Variants in ST6GALNAC3 observed in about 807,000 individuals in gnomAD.
The protein encoded by ST6GALNAC3 is ST6 N-acetylgalactosaminide alpha-2,6-sialyltransferase 3.
In ST6GALNAC3, 25 loss-of-function variants were observed where a neutral mutation model predicts 32.7. The observed-to-expected ratio is 0.76, with a 90% confidence interval of 0.56 to 1.07. The LOEUF (loss-of-function observed/expected upper bound fraction) is 1.07, where lower values mean the gene tolerates loss of function less well. Ranked by LOEUF, ST6GALNAC3 falls within the 50% of genes least tolerant of loss-of-function variation. The pLI is 0.00. For missense variants in ST6GALNAC3, 355 were observed against 382.4 expected (o/e 0.93, Z 0.60); for synonymous variants, 129 against 133.1 (o/e 0.97, Z 0.21).
intron 2 of ST6GALNAC3, among the ~76,000 whole-genome samples, chr1:76,410,161 C>T (rs188554771): frequency 1.1e-4 from 16 of 152,238 alleles, no homozygotes; most frequent in Admixed American, 7.2e-4. Context: ...CTTCATCTCA[C>T]GCAAACTGAA....
At chr1:76,478,768 T>G (rs928495698) in intron 3 of ST6GALNAC3, among the ~76,000 whole-genome samples, 2 of 143,148 alleles carry the variant, frequency 1.4e-5, no homozygotes, top group Non-Finnish European at 3.1e-5. Flanking sequence ...TTCTTTTTTT[T>G]TTTTTTTTTT....
At chr1:76,539,894 T>A (rs766098648) in intron 3 of ST6GALNAC3, among the ~76,000 whole-genome samples, 5 of 152,146 alleles carry the variant, frequency 3.3e-5, no homozygotes, top group Non-Finnish European at 7.4e-5. Flanking sequence ...AAGAATGCTT[T>A]TACACTGTTG....
At chr1:76,186,098 A>G (rs1653537983) in intron 1 of ST6GALNAC3, among the ~76,000 whole-genome samples, 1 of 152,120 alleles carries the variant, frequency 6.6e-6, no homozygotes, top group Non-Finnish European at 1.5e-5. Flanking sequence ...TCTTATACCC[A>G]GTTCTCCTTC....
At chr1:76,255,883 T>C (rs899345632) in intron 1 of ST6GALNAC3, among the ~76,000 whole-genome samples, 1 of 152,024 alleles carries the variant, frequency 6.6e-6, no homozygotes, top group African/African-American at 2.4e-5. Flanking sequence ...AAAGTAGGGG[T>C]ATAAGAAAAT....
chr1:76,392,760 C>A (rs1408866), intron 2 of ST6GALNAC3, among the ~76,000 whole-genome samples: 6 of 151,896 alleles, frequency 4.0e-5, no homozygotes, highest in Non-Finnish European at 8.8e-5. Context: ...CAGTAAAAAA[C>A]CAGAGCAAGG....
chr1:76,157,999 T>C (rs1651568106), intron 1 of ST6GALNAC3, among the ~76,000 whole-genome samples: 1 of 152,242 alleles, frequency 6.6e-6, no homozygotes, highest in Non-Finnish European at 1.5e-5. Flanking sequence ...CCCAAGTCTC[T>C]GATGTTAAAA....
At chr1:76,366,394 T>A (rs1457700444) in intron 2 of ST6GALNAC3, among the ~76,000 whole-genome samples, 1 of 152,170 alleles carries the variant, frequency 6.6e-6, no homozygotes, top group Admixed American at 6.5e-5. Context: ...AGATTCTAAG[T>A]GCAAAAAATG....
intron 1 of ST6GALNAC3, among the ~76,000 whole-genome samples, chr1:76,111,481 C>T (rs557656911): frequency 7.3e-5 from 11 of 150,728 alleles, no homozygotes; most frequent in South Asian, 2.1e-4. Flanking sequence ...GGGTGTTTCT[C>T]GCAGAGGGGG....
chr1:76,124,438 G>A (rs937320255), intron 1 of ST6GALNAC3, among the ~76,000 whole-genome samples: 1 of 152,208 alleles, frequency 6.6e-6, no homozygotes, highest in African/African-American at 2.4e-5. Context: ...TGGGTGAGTT[G>A]CAGTCCTCCC....
In ST6GALNAC3 at chr1:76,503,336, C is replaced by T. The variant is rs147211987; in HGVS notation, c.623+90919C>T. Among the ~76,000 whole-genome samples the T allele has an allele frequency of 1.1e-4, 16 of 152,312 alleles. No individual in the cohort carries two copies. In the East Asian group the frequency reaches 2.1e-3, roughly 20 times the overall value. Reference sequence around the variant, plus strand: ...TCCCCTCCATTTGGCTTAGCTCTGCCGCAGTCAGGCAGGAAGAACGCCCAC... The same window carrying T: ...TCCCCTCCATTTGGCTTAGCTCTGCTGCAGTCAGGCAGGAAGAACGCCCAC... On this transcript the variant is annotated intron_variant, in intron 3 of 4. Transcript: ENST00000328299.
chr1:76,266,555 A>G (rs1337379593), intron 1 of ST6GALNAC3, among the ~76,000 whole-genome samples: 1 of 152,170 alleles, frequency 6.6e-6, no homozygotes, highest in Non-Finnish European at 1.5e-5. Context: ...TATGAAAGTA[A>G]CATTCTCTAA....
intron 1 of ST6GALNAC3, among the ~76,000 whole-genome samples, chr1:76,202,624 T>C (rs527715641): frequency 9.2e-5 from 14 of 152,230 alleles, no homozygotes; most frequent in African/African-American, 2.9e-4. Context: ...GAGAGAAGTG[T>C]GAAGTGTTTG....
chr1:76,435,147 C>T (rs1656053270), intron 3 of ST6GALNAC3, among the ~76,000 whole-genome samples: 1 of 152,042 alleles, frequency 6.6e-6, no homozygotes, highest in South Asian at 2.1e-4. Flanking sequence ...AGTTACTCAA[C>T]ATCTGAGTTT....
At chr1:76,636,650 T>G (rs947655843), downstream of ST6GALNAC3, among the ~76,000 whole-genome samples, 2 of 152,196 alleles carry the variant, frequency 1.3e-5, no homozygotes, top group African/African-American at 4.8e-5. Flanking sequence ...CGAGACTTTC[T>G]ACTCTTTGAC....
At chr1:76,186,815 C>T (rs777547950) in intron 1 of ST6GALNAC3, among the ~76,000 whole-genome samples, 11 of 152,166 alleles carry the variant, frequency 7.2e-5, no homozygotes, top group African/African-American at 1.4e-4. Flanking sequence ...CTCCATTCTA[C>T]GGCAGTTTTT....
chr1:76,091,137 G>A (rs1214521423), intron 1 of ST6GALNAC3, among the ~76,000 whole-genome samples: 1 of 152,184 alleles, frequency 6.6e-6, no homozygotes, highest in Non-Finnish European at 1.5e-5. Flanking sequence ...TCTTGCACTG[G>A]CCCCAGACCA....
chr1:76,441,762 C>T (rs1158326434), intron 3 of ST6GALNAC3, among the ~76,000 whole-genome samples: 3 of 152,082 alleles, frequency 2.0e-5, no homozygotes, highest in African/African-American at 4.8e-5. Flanking sequence ...CCTCCCCCCA[C>T]CCTTCCACCA....
chr1:76,449,791 A>G (rs1031451124), intron 3 of ST6GALNAC3, among the ~76,000 whole-genome samples: 2 of 151,472 alleles, frequency 1.3e-5, no homozygotes, highest in Non-Finnish European at 2.9e-5. Flanking sequence ...AGATTGCCTT[A>G]TTTATTCATT....
At chr1:76,325,223 T>G (rs1413267277) in intron 2 of ST6GALNAC3, among the ~76,000 whole-genome samples, 2 of 152,234 alleles carry the variant, frequency 1.3e-5, no homozygotes, top group African/African-American at 4.8e-5. Context: ...CAGGGATGTA[T>G]AAGATACATG....
Sources: gnomAD v4.1 joint callset for allele counts (sites outside exome capture counted in the v4.1 genomes callset) on GRCh38, gnomAD v4.1.1 for gene constraint, MANE v1.5 for transcripts, NCBI Gene and HGNC (gene_info 2026-07-23, HGNC 2026-07-21) for gene names.